Variants in LUZP2 observed in about 807,000 individuals in gnomAD.
LUZP2 encodes leucine zipper protein 2.
In LUZP2, 52 loss-of-function variants were observed where a neutral mutation model predicts 51.6. The ratio of observed to expected loss-of-function variants is 1.01; its 90% CI spans 0.81 to 1.27. The LOEUF is 1.27. LUZP2 is among the 50% of genes most tolerant of loss of function. The pLI is 0.00. For synonymous variants in LUZP2, 154 were observed against 137.3 expected (o/e 1.12, Z -0.85); for missense variants, 436 against 395.4 (o/e 1.10, Z -0.87).
chr11:24,758,819 CA>C (rs761944784), intron 4 of LUZP2, among the ~76,000 whole-genome samples: 8 of 151,802 alleles, frequency 5.3e-5, no homozygotes, highest in Non-Finnish European at 1.0e-4. Context: ...TGCAAATGCT[CA>C]CATTTGGTAA....
At chr11:24,507,665 T>C (rs1590115139) in intron 1 of LUZP2, among the ~76,000 whole-genome samples, 1 of 151,838 alleles carries the variant, frequency 6.6e-6, no homozygotes, top group Non-Finnish European at 1.5e-5. Flanking sequence ...GCAAGTTATA[T>C]AATAAAGAGG....
rs573993745 is a variant in LUZP2 at position 24,746,176 on chromosome 11, C to T, written c.333+7874C>T. On this transcript the variant is annotated intron_variant, in intron 4 of 11. Coordinates refer to ENST00000336930, the MANE Select transcript of LUZP2 (RefSeq NM_001009909.4). ...GTGTGATTTATGCTTTAAAGAGGTT[C>T]TGTTTTGATGTTTCCAGGATTTGTT... 9.9e-5 allele frequency among the ~76,000 whole-genome samples: 15 copies of T among 152,214 alleles called. No individual in the cohort carries two copies. The South Asian group carries it at 3.1e-3, about 32-fold the overall frequency.
At chr11:24,963,990 A>G (rs1029820658) in intron 7 of LUZP2, among the ~76,000 whole-genome samples, 2 of 152,170 alleles carry the variant, frequency 1.3e-5, no homozygotes, top group Non-Finnish European at 2.9e-5. Context: ...TATCTGTTTG[A>G]CATACTGATT....
chr11:24,849,089 A>G (rs940168003), intron 5 of LUZP2, among the ~76,000 whole-genome samples: 7 of 151,678 alleles, frequency 4.6e-5, no homozygotes, highest in Non-Finnish European at 8.8e-5. Context: ...ATTTAAAAAT[A>G]TTATTAAAAA....
chr11:24,560,597 TAC>T (rs1332489789), intron 1 of LUZP2, among the ~76,000 whole-genome samples: 5 of 152,084 alleles, frequency 3.3e-5, no homozygotes, highest in African/African-American at 1.2e-4. Flanking sequence ...GCTTGAAAAA[TAC>T]AGAGTTCTTT....
chr11:24,550,186 TA>T (rs1851683160), intron 1 of LUZP2, among the ~76,000 whole-genome samples: 1 of 152,110 alleles, frequency 6.6e-6, no homozygotes, highest in Admixed American at 6.6e-5. Flanking sequence ...CTTCTGATAC[TA>T]ATTGCTATAA....
chr11:24,943,956 T>G (rs1379238320), intron 7 of LUZP2, among the ~76,000 whole-genome samples: 2 of 151,676 alleles, frequency 1.3e-5, no homozygotes, highest in Non-Finnish European at 2.9e-5. Flanking sequence ...AAAATATAAG[T>G]AAGGTATGGT....
At chr11:24,584,298 C>G (rs1852982361) in intron 1 of LUZP2, among the ~76,000 whole-genome samples, 1 of 152,164 alleles carries the variant, frequency 6.6e-6, no homozygotes, top group Admixed American at 6.5e-5. Context: ...ACCTCCACTC[C>G]TCCTCAATCA....
At position 24,672,812 on chromosome 11, in the gene LUZP2, C is replaced by T. The variant is rs529470640; in HGVS notation, c.63-56357C>T. 2.1e-3 allele frequency among the ~76,000 whole-genome samples: 319 copies of T among 152,300 alleles called. 2 individuals carry two copies. The highest frequency in any genetic ancestry group is 3.8e-3 in the Non-Finnish European group (260 of 68,032). On this transcript the variant is annotated intron_variant, in intron 1 of 11. Transcript: ENST00000336930. ...GCACATTGCTTTATTGAATACTTTACGTCAGGGGTCCCCAGTCCCTGGACC... is the reference window on the plus strand; with the variant it reads ...GCACATTGCTTTATTGAATACTTTATGTCAGGGGTCCCCAGTCCCTGGACC...
chr11:24,686,192 T>G (rs542001427), intron 1 of LUZP2, among the ~76,000 whole-genome samples: 2 of 146,922 alleles, frequency 1.4e-5, no homozygotes, highest in East Asian at 4.2e-4. Flanking sequence ...GTCATGCTTT[T>G]GATAGAATTT....
At chr11:24,696,931 A>T (rs1435103187) in intron 1 of LUZP2, among the ~76,000 whole-genome samples, 1 of 152,134 alleles carries the variant, frequency 6.6e-6, no homozygotes, top group Admixed American at 6.6e-5. Context: ...TCATTTCCAG[A>T]TACATAAACA....
chr11:25,008,261 G>T (rs981689828), intron 9 of LUZP2, among the ~76,000 whole-genome samples: 4 of 152,180 alleles, frequency 2.6e-5, no homozygotes, highest in African/African-American at 9.7e-5. Flanking sequence ...AGGTTTTCAT[G>T]TTGGTCAATG....
intron 1 of LUZP2, among the ~76,000 whole-genome samples, chr11:24,634,334 A>G (rs1214716946): frequency 1.3e-5 from 2 of 152,076 alleles, no homozygotes; most frequent in Admixed American, 1.3e-4. Context: ...AGATACAAAC[A>G]TTATGGTAGA....
intron 5 of LUZP2, among the ~76,000 whole-genome samples, chr11:24,846,643 C>T (rs910588481): frequency 1.3e-5 from 2 of 152,088 alleles, no homozygotes; most frequent in African/African-American, 4.8e-5. Flanking sequence ...GCTTTCATGG[C>T]TTCTGGGAAT....
intron 1 of LUZP2, among the ~76,000 whole-genome samples, chr11:24,533,511 C>G (rs778475791): frequency 2.6e-5 from 4 of 151,274 alleles, no homozygotes; most frequent in Non-Finnish European, 4.4e-5. Context: ...GTCTTTCAAA[C>G]TGCTTTCTTA....
At chr11:24,888,037 A>G in intron 5 of LUZP2, among the ~76,000 whole-genome samples, 1 of 152,242 alleles carries the variant, frequency 6.6e-6, no homozygotes, top group East Asian at 1.9e-4. Context: ...AGTCTACAAA[A>G]TGTAGTTAAA....
At chr11:24,924,015 G>A (rs1854152751) in intron 7 of LUZP2, among the ~76,000 whole-genome samples, 1 of 151,872 alleles carries the variant, frequency 6.6e-6, no homozygotes, top group Non-Finnish European at 1.5e-5. Flanking sequence ...TTCAGTGAGG[G>A]CTGATCAAAG....
At chr11:24,775,394 G>A (rs1473687705) in intron 5 of LUZP2, among the ~76,000 whole-genome samples, 1 of 152,142 alleles carries the variant, frequency 6.6e-6, no homozygotes, top group Non-Finnish European at 1.5e-5. Context: ...AATCAATGCT[G>A]TAAGTATCTG....
At chr11:24,882,922 AAGAACGAAAGAAAGAAAG>A (rs1470927775) in intron 5 of LUZP2, among the ~76,000 whole-genome samples, 1 of 139,216 alleles carries the variant, frequency 7.2e-6, no homozygotes, top group Non-Finnish European at 1.5e-5. Flanking sequence ...AGAAGAAAGA[AAGAACGAAAGAAAGAAAG>A]AGAAAGAAAG....
Sources: gnomAD v4.1 joint callset for allele counts (sites outside exome capture counted in the v4.1 genomes callset) on GRCh38, gnomAD v4.1.1 for gene constraint, MANE v1.5 for transcripts, NCBI Gene and HGNC (gene_info 2026-07-23, HGNC 2026-07-21) for gene names.